FSTL1: variants seen among roughly 807,000 people sequenced by gnomAD.
The protein encoded by FSTL1 is follistatin-related protein 1.
FSTL1 carries 24 observed loss-of-function variants against 45.9 expected under a neutral mutation model. The observed-to-expected ratio is 0.52, with a 90% CI of 0.38 to 0.74. The LOEUF (loss-of-function observed/expected upper bound fraction) is 0.74, where lower values mean the gene tolerates loss of function less well. Ranked by LOEUF, FSTL1 falls within the 30% of genes least tolerant of loss-of-function variation. The pLI, the probability that FSTL1 is intolerant of heterozygous loss-of-function variation, is 0.00. For missense variants in FSTL1, 340 were observed against 381.8 expected (o/e 0.89, Z 0.91); for synonymous variants, 120 against 137.6 (o/e 0.87, Z 0.89).
In FSTL1 at chr3:120,450,988, G is replaced by A. The variant is rs777963008; in HGVS notation, c.-92C>T. The A allele has an allele frequency of 4.5e-4, 208 of 459,196 alleles. 1 individual carries two copies. Among genetic ancestry groups the A allele is most frequent in the South Asian group, 1.1e-3 (26 of 24,456 alleles). 28.4% of individuals were successfully genotyped at this position (459,196 alleles called of 1,614,324 possible). A position where few individuals can be genotyped will look rare whatever the true frequency, so the allele number is the denominator to read the frequency against. On this transcript the variant is annotated 5_prime_UTR_variant, in exon 1 of 11. Transcript: ENST00000295633. Reference sequence around the variant, plus strand: ...GGGAGCTCCGCCGATCGCCAGCCTCGGAGGAAATGCGACCTCCCCTCGCCG... The same window carrying A: ...GGGAGCTCCGCCGATCGCCAGCCTCAGAGGAAATGCGACCTCCCCTCGCCG...
chr3:120,415,950 T>C lies in FSTL1; in HGVS notation c.141A>G (p.Lys47=), dbSNP rs758803071. 1 of 1,613,490 alleles carries C rather than the reference T, an allele frequency of 6.2e-7. No individual in the cohort carries two copies. Among genetic ancestry groups the C allele is most frequent in the South Asian group, 1.1e-5 (1 of 91,050 alleles). Residue 47 remains lysine, a synonymous_variant, in exon 3 of 11, where the codon AAA becomes AAG. Transcript: ENST00000295633. ...GAGRECAVTE[K]GEPTCLCIEQ... is the part of the protein sequence containing the mutation. ...CAATGCAGAGACAGGTGGGTTCCCC[T>C]TTCTCTGTGACTGCACATTCCCGGC...
At chr3:120,428,880 G>A (rs893662782) in intron 2 of FSTL1, among the ~76,000 whole-genome samples, 1 of 152,252 alleles carries the variant, frequency 6.6e-6, no homozygotes, top group Non-Finnish European at 1.5e-5. Flanking sequence ...TGCAGACAGG[G>A]TTAAAACCCA....
At chr3:120,407,976 G>A (rs953781888) in intron 6 of FSTL1, among the ~76,000 whole-genome samples, 3 of 152,174 alleles carry the variant, frequency 2.0e-5, no homozygotes, top group African/African-American at 7.2e-5. Context: ...CTAATAGCAG[G>A]TGTCAGTGAT....
intron 9 of FSTL1, among the ~76,000 whole-genome samples, chr3:120,400,565 T>A (rs1385216216): frequency 6.6e-6 from 1 of 152,224 alleles, no homozygotes; most frequent in Non-Finnish European, 1.5e-5. Context: ...TTACTAGGTT[T>A]AGGATGAAAT....
chr3:120,413,177 A>C (rs1222410797), intron 3 of FSTL1, among the ~76,000 whole-genome samples: 1 of 152,220 alleles, frequency 6.6e-6, no homozygotes, highest in African/African-American at 2.4e-5. Context: ...CCAATAAAGA[A>C]AGGAACTGAA....
chr3:120,450,097 C>A (rs1362839462), intron 2 of FSTL1, among the ~76,000 whole-genome samples: 1 of 152,104 alleles, frequency 6.6e-6, no homozygotes, highest in African/African-American at 2.4e-5. Context: ...AGCAATGGAT[C>A]TTCTCTTACA....
chr3:120,408,875 A>G (rs1308057342), intron 6 of FSTL1, among the ~76,000 whole-genome samples: 2 of 152,046 alleles, frequency 1.3e-5, no homozygotes, highest in Non-Finnish European at 2.9e-5. Context: ...GCTTCTTCTA[A>G]CTCTCAAGTT....
At chr3:120,420,242 G>A (rs915710779) in intron 2 of FSTL1, among the ~76,000 whole-genome samples, 12 of 152,200 alleles carry the variant, frequency 7.9e-5, no homozygotes, top group South Asian at 2.1e-4. Flanking sequence ...TCATGTATGC[G>A]TAGATAACCA....
intron 3 of FSTL1, 123 bp from the exon 4 acceptor site, chr3:120,412,106 G>T: frequency 1.0e-6 from 1 of 970,874 alleles, no homozygotes; most frequent in Non-Finnish European, 1.5e-6. Context: ...CACCACCAGA[G>T]ATGGTGCTTC....
chr3:120,446,676 GCTTA>G (rs1340001986), intron 2 of FSTL1, among the ~76,000 whole-genome samples: 1 of 152,194 alleles, frequency 6.6e-6, no homozygotes, highest in Non-Finnish European at 1.5e-5. Context: ...TAGATGCAAG[GCTTA>G]CTTGAGTCTA....
At chr3:120,401,553 C>A (rs1936826360) in intron 9 of FSTL1, among the ~76,000 whole-genome samples, 7 of 151,822 alleles carry the variant, frequency 4.6e-5, no homozygotes, top group Admixed American at 3.9e-4. Flanking sequence ...CCAGCCAGCT[C>A]TTCCTTGACA....
intron 6 of FSTL1, among the ~76,000 whole-genome samples, chr3:120,406,906 T>C (rs750742780): frequency 8.5e-5 from 13 of 152,250 alleles, no homozygotes; most frequent in Non-Finnish European, 1.6e-4. Flanking sequence ...ATGAGATATC[T>C]TGGGGATGGG....
intron 2 of FSTL1, among the ~76,000 whole-genome samples, chr3:120,447,784 G>A (rs867659743): frequency 2.9e-4 from 44 of 152,162 alleles, no homozygotes; most frequent in Non-Finnish European, 4.1e-4. Flanking sequence ...GAGTAGCTGG[G>A]ACCAGAGGCG....
intron 2 of FSTL1, among the ~76,000 whole-genome samples, chr3:120,442,190 CT>C (rs1559745236): frequency 6.6e-6 from 1 of 152,194 alleles, no homozygotes; most frequent in Non-Finnish European, 1.5e-5. Flanking sequence ...TTTCCAAGAT[CT>C]AATCGAGTAG....
intron 4 of FSTL1, 114 bp downstream of exon 4, chr3:120,411,740 C>T (rs1937057836): frequency 1.1e-5 from 11 of 960,198 alleles, no homozygotes; most frequent in Non-Finnish European, 1.8e-5. Context: ...CTTTCCACAG[C>T]TTTGAGAGGC....
rs1177402195 is a variant in FSTL1, at chr3:120,393,992, C to A, written c.*2960G>T. ...AACTGTGAGCAATACATTTCTGTTGCCTATAATTACCCAGTCTGAGGCATT... is the reference window on the plus strand; with the variant it reads ...AACTGTGAGCAATACATTTCTGTTGACTATAATTACCCAGTCTGAGGCATT... On this transcript the variant is annotated 3_prime_UTR_variant, in exon 11 of 11. Coordinates refer to ENST00000295633, the MANE Select transcript of FSTL1 (RefSeq NM_007085.5). The A allele has an allele frequency of 1.3e-5, 2 of 152,164 alleles. No homozygotes were observed. The highest frequency in any genetic ancestry group is 2.9e-5 in the Non-Finnish European group (2 of 68,032). 9.4% of individuals were successfully genotyped at this position (152,164 alleles called of 1,614,324 possible). A position where few individuals can be genotyped will look rare whatever the true frequency, so the allele number is the denominator to read the frequency against.
At chr3:120,448,457 T>C (rs772617794) in intron 2 of FSTL1, among the ~76,000 whole-genome samples, 4 of 152,224 alleles carry the variant, frequency 2.6e-5, no homozygotes, top group African/African-American at 4.8e-5. Context: ...AGGTATATTA[T>C]TATTAAATGG....
rs138210412 is a variant in FSTL1, at chr3:120,409,690, G to C, written c.332-28C>G. The C allele has an allele frequency of 4.1e-5, 66 of 1,612,260 alleles. No individual in the cohort carries two copies. In the East Asian group the frequency reaches 8.5e-4, roughly 21 times the overall value. Reference sequence around the variant, plus strand: ...GCAGGAAAGTGGAGGATGTCAGCTGGAGCAGTCAGGGGAGGACCCCAGTGA... The same window carrying C: ...GCAGGAAAGTGGAGGATGTCAGCTGCAGCAGTCAGGGGAGGACCCCAGTGA... On this transcript the variant is annotated intron_variant, in intron 5 of 10. Coordinates refer to ENST00000295633, the MANE Select transcript of FSTL1 (RefSeq NM_007085.5).
Position 120,396,393 on chromosome 3 carries a change from C to T in FSTL1, c.*559G>A, listed in dbSNP as rs957477936. 2 of 153,288 alleles carry T rather than the reference C, an allele frequency of 1.3e-5. No homozygotes were observed. The highest frequency in any genetic ancestry group is 4.8e-5 in the African/African-American group (2 of 41,404). 9.5% of individuals were successfully genotyped at this position (153,288 alleles called of 1,614,324 possible). On this transcript the variant is annotated 3_prime_UTR_variant, in exon 11 of 11. Transcript: ENST00000295633. ...TATCTGCATCATTTGGGTGTACCCT[C>T]CCAGAAACTCCATCCAAGTCTGAGG...
Sources: gnomAD v4.1 joint callset for allele counts (sites outside exome capture counted in the v4.1 genomes callset) on GRCh38, gnomAD v4.1.1 for gene constraint, MANE v1.5 for transcripts, NCBI Gene and HGNC (gene_info 2026-07-23, HGNC 2026-07-21) for gene names.